The following UBR2 variants were observed in gnomAD, a reference collection of about 807,000 sequenced individuals.
The protein encoded by UBR2 is ubiquitin protein ligase E3 component n-recognin 2.
UBR2 carries 92 observed loss-of-function variants against 247.9 expected under a neutral mutation model. The ratio of observed to expected loss-of-function variants is 0.37; its 90% CI spans 0.31 to 0.44. The LOEUF is 0.44. Among genes scored for constraint, UBR2 ranks in the 20% least tolerant of loss-of-function variants. The probability of loss-of-function intolerance (pLI) is 1.00; values close to 1 mark genes in which losing one functional copy is unlikely to be tolerated. For missense variants in UBR2, 1,613 were observed against 2,112.6 expected, an observed-to-expected ratio of 0.76 and a Z score of 4.64; for synonymous variants, 672 against 693.5, an observed-to-expected ratio of 0.97 and a Z score of 0.49.
At chr6:42,574,986 CTG>C (rs1240837395) in intron 2 of UBR2, among the ~76,000 whole-genome samples, 8 of 152,346 alleles carry the variant, frequency 5.3e-5, no homozygotes, top group African/African-American at 1.9e-4. Flanking sequence ...GCATGAGCCA[CTG>C]TACCCGGCCT....
chr6:42,597,780 G>T (rs1300152187), intron 4 of UBR2, among the ~76,000 whole-genome samples: 1 of 152,006 alleles, frequency 6.6e-6, no homozygotes, highest in African/African-American at 2.4e-5. Flanking sequence ...GCCGGGCGTG[G>T]TGGCACATGC....
intron 9 of UBR2, among the ~76,000 whole-genome samples, chr6:42,615,519 T>G (rs955437073): frequency 2.0e-5 from 3 of 152,170 alleles, no homozygotes; most frequent in Non-Finnish European, 4.4e-5. Flanking sequence ...GGCATGATCA[T>G]TGATCACTGC....
At chr6:42,576,242 G>A (rs1791498129) in intron 2 of UBR2, among the ~76,000 whole-genome samples, 1 of 152,126 alleles carries the variant, frequency 6.6e-6, no homozygotes. Context: ...ATACCTATCT[G>A]TATAAATGTA....
intron 2 of UBR2, among the ~76,000 whole-genome samples, chr6:42,578,139 A>G (rs1439924062): frequency 6.6e-6 from 1 of 152,194 alleles, no homozygotes. Flanking sequence ...TACAATCCCA[A>G]AGACTTTATG....
At chr6:42,672,015 C>T (rs1167380459) in intron 36 of UBR2, among the ~76,000 whole-genome samples, 1 of 151,258 alleles carries the variant, frequency 6.6e-6, no homozygotes, top group East Asian at 1.9e-4. Flanking sequence ...CACTATTCAT[C>T]CAGGAGAAAC....
chr6:42,652,170 T>G, intron 24 of UBR2, 99 bp downstream of exon 24: 1 of 1,185,254 alleles, frequency 8.4e-7, no homozygotes, highest in Non-Finnish European at 1.2e-6. Flanking sequence ...GAATGAATAT[T>G]TAAATGTAAG....
intron 4 of UBR2, among the ~76,000 whole-genome samples, chr6:42,601,626 T>TA (rs1309606022): frequency 1.4e-5 from 2 of 143,934 alleles, no homozygotes; most frequent in Non-Finnish European, 3.0e-5. Flanking sequence ...AGGCGGACGT[T>TA]ACAGTGAGCC....
At chr6:42,622,657 G>A (rs1393208294) in intron 11 of UBR2, among the ~76,000 whole-genome samples, 1 of 151,784 alleles carries the variant, frequency 6.6e-6, no homozygotes, top group East Asian at 1.9e-4. Flanking sequence ...GCCCACCTCG[G>A]CCTCCCAAAG....
intron 44 of UBR2, 92 bp downstream of exon 44, chr6:42,684,963 GGTAGAGAAATCATATCT>G: frequency 9.1e-7 from 1 of 1,099,344 alleles, no homozygotes; most frequent in Middle Eastern, 2.1e-4. Flanking sequence ...TCTTTGTTTG[GGTAGAGAAATCATATCT>G]GTAGTCCTTT....
intron 7 of UBR2, among the ~76,000 whole-genome samples, chr6:42,611,377 C>T (rs1475411191): frequency 6.7e-6 from 1 of 150,134 alleles, no homozygotes; most frequent in East Asian, 2.0e-4. Context: ...AGGAGAATTG[C>T]TTGAAACTGG....
At chr6:42,623,921 G>A (rs1795164866) in intron 11 of UBR2, among the ~76,000 whole-genome samples, 1 of 151,846 alleles carries the variant, frequency 6.6e-6, no homozygotes, top group Non-Finnish European at 1.5e-5. Flanking sequence ...ACCAAACTTG[G>A]TTGTGGTATA....
At chr6:42,615,351 C>G (rs774275244) in intron 9 of UBR2, among the ~76,000 whole-genome samples, 173 bp downstream of exon 9, 2 of 152,118 alleles carry the variant, frequency 1.3e-5, no homozygotes, top group Non-Finnish European at 2.9e-5. Context: ...GTCCATGATC[C>G]AACTTAAATG....
chr6:42,672,339 C>A (rs553583029), intron 36 of UBR2, among the ~76,000 whole-genome samples: 1 of 151,952 alleles, frequency 6.6e-6, no homozygotes, highest in Non-Finnish European at 1.5e-5. Flanking sequence ...GGCCTAGATA[C>A]ATTTTTTAGC....
At chr6:42,609,737 TAAC>T (rs1793942396) in intron 7 of UBR2, among the ~76,000 whole-genome samples, 1 of 148,882 alleles carries the variant, frequency 6.7e-6, no homozygotes, top group Non-Finnish European at 1.5e-5. Flanking sequence ...AAAAAAATAA[TAAC>T]AAAAATTAGC....
chr6:42,579,184 C>T (rs910874060), intron 2 of UBR2, among the ~76,000 whole-genome samples: 1 of 152,132 alleles, frequency 6.6e-6, no homozygotes, highest in African/African-American at 2.4e-5. Flanking sequence ...GTGGGGACCT[C>T]AGGAAGCTTA....
At chr6:42,651,642 C>T (rs1350165499) in intron 23 of UBR2, among the ~76,000 whole-genome samples, 14 of 151,980 alleles carry the variant, frequency 9.2e-5, no homozygotes. Flanking sequence ...AGGTGTGTGC[C>T]ACCACGCCCA....
intron 3 of UBR2, among the ~76,000 whole-genome samples, chr6:42,593,459 G>T (rs1792789832): frequency 6.6e-6 from 1 of 152,068 alleles, no homozygotes; most frequent in South Asian, 2.1e-4. Context: ...ATATAATAGG[G>T]CTTATTCTAA....
chr6:42,593,495 G>A (rs1200329948), intron 3 of UBR2, among the ~76,000 whole-genome samples: 2 of 152,180 alleles, frequency 1.3e-5, no homozygotes, highest in Admixed American at 6.5e-5. Context: ...ATACCTGTTA[G>A]TAAGCTCTTC....
intron 41 of UBR2, among the ~76,000 whole-genome samples, chr6:42,678,922 A>C (rs1300039966): frequency 6.6e-6 from 1 of 152,212 alleles, no homozygotes; most frequent in Non-Finnish European, 1.5e-5. Flanking sequence ...CGTAAAGATC[A>C]TAGTTTTGCT....
Sources: gnomAD v4.1 joint callset for allele counts (sites outside exome capture counted in the v4.1 genomes callset) on GRCh38, gnomAD v4.1.1 for gene constraint, MANE v1.5 for transcripts, NCBI Gene and HGNC (gene_info 2026-07-23, HGNC 2026-07-21) for gene names.